Variants in CACNA2D1 observed in about 807,000 individuals in gnomAD.
CACNA2D1 encodes the protein calcium voltage-gated channel auxiliary subunit alpha2delta 1, also known as voltage-dependent calcium channel subunit alpha-2/delta-1.
A neutral mutation model predicts 171.5 loss-of-function variants in CACNA2D1; 53 were observed. The observed-to-expected ratio is 0.31, with a 90% CI of 0.25 to 0.39. CACNA2D1 has a LOEUF of 0.39. Among genes scored for constraint, CACNA2D1 ranks in the 10% least tolerant of loss-of-function variants. The pLI is 1.00. For missense variants in CACNA2D1, 903 were observed against 1,299.8 expected, an observed-to-expected ratio of 0.69 and a Z score of 4.69; for synonymous variants, 442 against 443.1, an observed-to-expected ratio of 1.00 and a Z score of 0.03.
intron 20 of CACNA2D1, among the ~76,000 whole-genome samples, chr7:81,993,115 A>G (rs1797712290): frequency 6.6e-6 from 1 of 152,172 alleles, no homozygotes; most frequent in Admixed American, 6.5e-5. Flanking sequence ...TGATTCATAT[A>G]ATTTCTCATT....
intron 3 of CACNA2D1, among the ~76,000 whole-genome samples, chr7:82,313,330 G>A (rs1350933012): frequency 6.8e-6 from 1 of 147,866 alleles, no homozygotes; most frequent in East Asian, 2.0e-4. Flanking sequence ...GCTATTCAGA[G>A]GGCCTGCAGA....
chr7:82,409,635 A>G (rs946760162), intron 1 of CACNA2D1, among the ~76,000 whole-genome samples: 18 of 152,176 alleles, frequency 1.2e-4, no homozygotes, highest in African/African-American at 3.9e-4. Context: ...AGGCGATTCA[A>G]ATGTGTATCT....
chr7:82,292,209 A>G (rs1811731978), intron 3 of CACNA2D1, among the ~76,000 whole-genome samples: 1 of 152,162 alleles, frequency 6.6e-6, no homozygotes, highest in African/African-American at 2.4e-5. Flanking sequence ...TCTCTAAAGG[A>G]AAACTTAGTC....
chr7:82,202,877 G>A (rs1350985691), intron 3 of CACNA2D1, among the ~76,000 whole-genome samples: 3 of 152,144 alleles, frequency 2.0e-5, no homozygotes, highest in Admixed American at 6.5e-5. Flanking sequence ...ACCCTAATGA[G>A]TGACACGCTG....
intron 3 of CACNA2D1, among the ~76,000 whole-genome samples, chr7:82,199,938 A>G (rs1329164383): frequency 2.0e-5 from 3 of 152,124 alleles, no homozygotes; most frequent in African/African-American, 7.2e-5. Flanking sequence ...AATGAATCTC[A>G]AAAGTATGAT....
chr7:82,214,456 T>C (rs1437106456), intron 3 of CACNA2D1, among the ~76,000 whole-genome samples: 1 of 151,978 alleles, frequency 6.6e-6, no homozygotes, highest in Admixed American at 6.5e-5. Flanking sequence ...TTTTTTTTTT[T>C]TCTTTTTGGC....
chr7:82,404,465 C>A (rs1826799776), intron 1 of CACNA2D1, among the ~76,000 whole-genome samples: 1 of 152,094 alleles, frequency 6.6e-6, no homozygotes, highest in Non-Finnish European at 1.5e-5. Flanking sequence ...AGGGAAGAAT[C>A]CTTAAATGAG....
At chr7:82,067,215 T>C (rs1173116965) in intron 7 of CACNA2D1, among the ~76,000 whole-genome samples, 1 of 152,210 alleles carries the variant, frequency 6.6e-6, no homozygotes, top group African/African-American at 2.4e-5. Context: ...TTACTTTAAT[T>C]AAAATGCTTT....
At chr7:82,053,168 C>T (rs931077666) in intron 10 of CACNA2D1, among the ~76,000 whole-genome samples, 13 of 146,540 alleles carry the variant, frequency 8.9e-5, no homozygotes, top group Non-Finnish European at 1.5e-4. Flanking sequence ...AGGAGAATGG[C>T]GTGAACCTGG....
intron 12 of CACNA2D1, among the ~76,000 whole-genome samples, chr7:82,022,684 T>G (rs1297426810): frequency 1.3e-5 from 2 of 151,972 alleles, no homozygotes; most frequent in Non-Finnish European, 2.9e-5. Context: ...GTAACTTGGT[T>G]TAGATTTTAC....
intron 10 of CACNA2D1, among the ~76,000 whole-genome samples, chr7:82,054,339 T>C (rs2131332684): frequency 6.6e-6 from 1 of 152,352 alleles, no homozygotes; most frequent in South Asian, 2.1e-4. Context: ...AACCCTCTGC[T>C]GTTGCACATG....
At chr7:82,120,767 C>T (rs1193631579) in intron 5 of CACNA2D1, among the ~76,000 whole-genome samples, 4 of 149,840 alleles carry the variant, frequency 2.7e-5, no homozygotes, top group African/African-American at 7.4e-5. Context: ...CCCAGCTACT[C>T]GGGAGGCTGA....
chr7:82,415,165 A>G (rs948298612), intron 1 of CACNA2D1, among the ~76,000 whole-genome samples: 11 of 152,214 alleles, frequency 7.2e-5, no homozygotes, highest in Non-Finnish European at 1.6e-4. Context: ...ACAGGAAGAC[A>G]CATCAGATAC....
chr7:82,364,755 C>G (rs1376923553), intron 1 of CACNA2D1, among the ~76,000 whole-genome samples: 1 of 152,166 alleles, frequency 6.6e-6, no homozygotes, highest in Non-Finnish European at 1.5e-5. Context: ...TCTGTCAGGA[C>G]TGTGCGAAAA....
In CACNA2D1 at chr7:82,155,121, G is replaced by A. The variant is rs75558423; in HGVS notation, c.354+15429C>T. On this transcript the variant is annotated intron_variant, in intron 4 of 38. Coordinates refer to ENST00000356860, the MANE Select transcript of CACNA2D1 (RefSeq NM_000722.4). ...GCCTTGCTCCCCCTTGCCTTCTGCC[G>A]TGATAGTAACTTTCCAGAGGTCTCC... is the stretch of plus-strand genomic sequence containing the variant. 5.5e-3 allele frequency among the ~76,000 whole-genome samples: 837 copies of A among 152,114 alleles called. 9 individuals carry two copies. The highest frequency in any genetic ancestry group is 0.019 in the African/African-American group (786 of 41,484).
intron 3 of CACNA2D1, among the ~76,000 whole-genome samples, chr7:82,181,368 C>T (rs142222412): frequency 5.3e-5 from 8 of 152,262 alleles, no homozygotes; most frequent in African/African-American, 1.9e-4. Flanking sequence ...GGTGACTCTG[C>T]ATTTTGGACC....
chr7:82,000,206 C>A (rs1798442901), intron 18 of CACNA2D1, among the ~76,000 whole-genome samples: 1 of 152,040 alleles, frequency 6.6e-6, no homozygotes, highest in Non-Finnish European at 1.5e-5. Context: ...TTGCAGTAAG[C>A]CGAGATTGCG....
chr7:82,131,558 G>A (rs1002368112), intron 5 of CACNA2D1, among the ~76,000 whole-genome samples: 4 of 151,894 alleles, frequency 2.6e-5, no homozygotes, highest in East Asian at 1.9e-4. Context: ...AACAGCCCTC[G>A]GATATTAATC....
At chr7:82,279,981 T>C (rs1275382615) in intron 3 of CACNA2D1, among the ~76,000 whole-genome samples, 1 of 152,170 alleles carries the variant, frequency 6.6e-6, no homozygotes, top group Non-Finnish European at 1.5e-5. Flanking sequence ...AATGATATAA[T>C]TGCATGCTAT....
Sources: gnomAD v4.1 joint callset for allele counts (sites outside exome capture counted in the v4.1 genomes callset) on GRCh38, gnomAD v4.1.1 for gene constraint, MANE v1.5 for transcripts, NCBI Gene and HGNC (gene_info 2026-07-23, HGNC 2026-07-21) for gene names.